PCM1: variants seen among roughly 807,000 people sequenced by gnomAD.
The protein encoded by PCM1 is pericentriolar material 1, also known as pericentriolar material 1 protein.
A neutral mutation model predicts 241.9 loss-of-function variants in PCM1; 157 were observed. The ratio of observed to expected loss-of-function variants is 0.65; its 90% CI spans 0.57 to 0.74. The LOEUF (loss-of-function observed/expected upper bound fraction) is 0.74, where lower values mean the gene tolerates loss of function less well. PCM1 is among the 30% of genes least tolerant of loss of function. The pLI is 0.00. For missense variants in PCM1, 3,478 were observed against 2,360.1 expected (o/e 1.47, Z -9.81); for synonymous variants, 1,085 against 784.9 (o/e 1.38, Z -6.39).
chr8:17,963,265 T>C lies in PCM1; in HGVS notation c.2628T>C (p.Cys876=), dbSNP rs899271220. The C allele has an allele frequency of 1.9e-6, 3 of 1,604,036 alleles. No homozygotes were observed. The highest frequency in any genetic ancestry group is 1.1e-5 in the South Asian group (1 of 88,410). The stretch of plus-strand genomic sequence containing the variant: ...GAAGTGATGGATCTGAGAACCTATG[T>C]ACTCCTCAGCAAAGTAGAACAGAAA... The part of the protein sequence containing the change: ...SLRSDGSENL[C]TPQQSRTEKT... The change falls in exon 17 of 39, where the codon TGT becomes TGC. Residue 876 remains cysteine (C), a synonymous_variant. Coordinates refer to ENST00000325083, the MANE Select transcript of PCM1 (RefSeq NM_006197.4).
At chr8:18,012,349 C>T (rs566801396) in intron 34 of PCM1, among the ~76,000 whole-genome samples, 39 of 152,238 alleles carry the variant, frequency 2.6e-4, no homozygotes, top group Non-Finnish European at 4.7e-4. Flanking sequence ...TAACAGTGTT[C>T]AAACAACCCT....
chr8:17,938,789 A>G lies in PCM1; in HGVS notation c.392A>G (p.Lys131Arg), dbSNP rs369566354. The change falls in exon 5 of 39, where the codon AAA (lysine) becomes AGA (arginine). Residue 131 changes from lysine (K) to arginine (R), a missense_variant. By Grantham distance (26) the Lys-to-Arg change is conservative. Transcript: ENST00000325083. ...GGTAGAGCAACAGCTGCTAACAACA[A>G]ACGTCAGCTTAGTGAAAACCGAAAG... The part of the protein sequence containing the change: ...SQGRATAANN[K>R]RQLSENRKPF... 85 of 1,612,292 alleles carry G rather than the reference A, an allele frequency of 5.3e-5. No homozygotes were observed. Among genetic ancestry groups the G allele is most frequent in the Non-Finnish European group, 6.8e-5 (80 of 1,178,396 alleles).
In PCM1 at chr8:17,960,076, A is replaced by C. The variant is rs1324769058; in HGVS notation, c.2103A>C (p.Pro701=). 1.2e-6 allele frequency: 2 copies of C among 1,611,494 alleles called. No individual in the cohort carries two copies. The highest frequency in any genetic ancestry group is 4.5e-5 in the East Asian group (2 of 44,818). The part of the protein sequence containing the change: ...ASASNLDDFY[P]AEEDTKQNSN... ...CATCAAATTTGGATGATTTCTACCCAGCAGAAGAAGACACCAAGCAAAATT... is the reference window on the plus strand; with the variant it reads ...CATCAAATTTGGATGATTTCTACCCCGCAGAAGAAGACACCAAGCAAAATT... Residue 701 remains proline, a synonymous_variant, in exon 14 of 39, where the codon CCA becomes CCC. Transcript: ENST00000325083.
At chr8:17,996,190 G>C (rs1223064698) in intron 29 of PCM1, among the ~76,000 whole-genome samples, 1 of 152,010 alleles carries the variant, frequency 6.6e-6, no homozygotes, top group Non-Finnish European at 1.5e-5. Context: ...ATGGCTTCTA[G>C]TATGTTGAGG....
intron 6 of PCM1, among the ~76,000 whole-genome samples, chr8:17,944,683 A>G (rs2299590): frequency 2.0e-5 from 3 of 151,890 alleles, no homozygotes; most frequent in African/African-American, 7.3e-5. Flanking sequence ...CTGGTATGTT[A>G]TTACTCCTAC....
At chr8:17,964,963 A>T (rs1033177753) in intron 18 of PCM1, among the ~76,000 whole-genome samples, 195 bp downstream of exon 18, 1 of 152,080 alleles carries the variant, frequency 6.6e-6, no homozygotes, top group African/African-American at 2.4e-5. Flanking sequence ...CTCACCTCAG[A>T]CTTCAATTTC....
intron 19 of PCM1, 38 bp downstream of exon 19, chr8:17,966,256 T>G (rs2074839474): frequency 6.2e-7 from 1 of 1,608,668 alleles, no homozygotes; most frequent in Admixed American, 1.7e-5. Flanking sequence ...TCGTCTATTT[T>G]TATAACTTCT....
chr8:18,023,055 C>T (rs1564455731), intron 36 of PCM1, among the ~76,000 whole-genome samples: 1 of 152,154 alleles, frequency 6.6e-6, no homozygotes, highest in Admixed American at 6.5e-5. Context: ...GCAGATATGA[C>T]AGAGAATAAC....
Position 17,972,571 on chromosome 8 carries a change from C to T in PCM1, c.3827C>T (p.Thr1276Ile), listed in dbSNP as rs2077202066. The change falls in exon 23 of 39, where the codon ACA (threonine) becomes ATA (isoleucine). Residue 1276 changes from threonine (T) to isoleucine (I), a missense_variant. Physicochemically the swap from Thr to Ile is moderately conservative, Grantham distance 89. Transcript: ENST00000325083. ...GTAGATCCAACAACAGTGACTAAAACATTCAAGACAAGAAAAGCGTCTGCA... is the reference window on the plus strand; with the variant it reads ...GTAGATCCAACAACAGTGACTAAAATATTCAAGACAAGAAAAGCGTCTGCA... ...DPVDPTTVTKTFKTRKASAQA... is the reference protein window; with the variant it reads ...DPVDPTTVTKIFKTRKASAQA... 1.9e-6 allele frequency: 3 copies of T among 1,613,694 alleles called. No homozygotes were observed. Among genetic ancestry groups the T allele is most frequent in the Non-Finnish European group, 2.5e-6 (3 of 1,179,708 alleles).
At chr8:17,962,881 T>C (rs2129468460) in intron 16 of PCM1, 1 of 402,970 alleles carries the variant, frequency 2.5e-6, no homozygotes, top group Admixed American at 4.4e-5. Flanking sequence ...CCAGCCCAGA[T>C]GACAGAGTGA....
intron 27 of PCM1, among the ~76,000 whole-genome samples, chr8:17,990,344 C>T (rs2084136836): frequency 6.6e-6 from 1 of 151,902 alleles, no homozygotes; most frequent in South Asian, 2.1e-4. Context: ...ATTCAGGCCT[C>T]ATCTAATCAT....
In PCM1 at chr8:18,017,171, C is replaced by T. The variant is rs957510043; in HGVS notation, c.5841+2331C>T. Among the ~76,000 whole-genome samples the T allele has an allele frequency of 1.1e-4, 16 of 152,202 alleles. No homozygotes were observed. The South Asian group carries it at 3.3e-3, about 32-fold the overall frequency. ...ACTGGAAAACATCTAGAAGCTATCC[C>T]CATGGTCTTTCCACAAAAGATTGAC... On this transcript the variant is annotated intron_variant, in intron 36 of 38. Transcript: ENST00000325083.
At chr8:17,927,447 C>G (rs547614896) in intron 2 of PCM1, 11 of 151,840 alleles carry the variant, frequency 7.2e-5, no homozygotes, top group Admixed American at 4.6e-4. Context: ...TTCTTCTTTA[C>G]CTTATATTCT....
At position 18,025,334 on chromosome 8, in the gene PCM1, G is replaced by GT; in HGVS notation, c.5842-26dup. On this transcript the variant is annotated intron_variant, in intron 36 of 38. Coordinates refer to ENST00000325083, the MANE Select transcript of PCM1 (RefSeq NM_006197.4). Reference sequence around the variant, plus strand: ...GATGACTGGTTTGGATCTAGAGTATGTATTTTTTTTTTTCATTACATTACA... The same window carrying GT: ...GATGACTGGTTTGGATCTAGAGTATGTTATTTTTTTTTTTCATTACATTACA... 3 of 1,149,620 alleles carry GT rather than the reference G, an allele frequency of 2.6e-6. No individual in the cohort carries two copies. In the East Asian group the frequency reaches 7.1e-5, roughly 27 times the overall value. 71.2% of individuals were successfully genotyped at this position (1,149,620 alleles called of 1,614,324 possible).
intron 1 of PCM1, among the ~76,000 whole-genome samples, chr8:17,923,434 C>G (rs1370833258): frequency 1.3e-5 from 2 of 152,168 alleles, no homozygotes; most frequent in African/African-American, 4.8e-5. Flanking sequence ...TTGCAGGACT[C>G]CCTTCTTGCC....
intron 22 of PCM1, among the ~76,000 whole-genome samples, chr8:17,970,505 T>C (rs974899995): frequency 6.6e-6 from 1 of 151,948 alleles, no homozygotes; most frequent in African/African-American, 2.4e-5. Flanking sequence ...AGGAGTGCTA[T>C]GATTAACATC....
At position 18,028,945 on chromosome 8, in the gene PCM1, A is replaced by G. The variant is rs1231181490; in HGVS notation, c.*1283A>G. ...GGCGGGCAGATCACGAGGTCAAGAG[A>G]TTGAGACCATCCTGCCCAACATGGG... On this transcript the variant is annotated 3_prime_UTR_variant, in exon 39 of 39. Transcript: ENST00000325083. 1 of 179,554 alleles carries G rather than the reference A, an allele frequency of 5.6e-6. No homozygotes were observed. The highest frequency in any genetic ancestry group is 2.4e-5 in the African/African-American group (1 of 42,366). 11.1% of individuals were successfully genotyped at this position (179,554 alleles called of 1,614,324 possible).
intron 6 of PCM1, among the ~76,000 whole-genome samples, chr8:17,942,655 G>T (rs2062489153): frequency 6.6e-6 from 1 of 151,802 alleles, no homozygotes; most frequent in East Asian, 1.9e-4. Context: ...TTGCATAATG[G>T]CATTCCAGAT....
At chr8:17,925,917 C>G (rs1052765942) in intron 2 of PCM1, 1 of 151,978 alleles carries the variant, frequency 6.6e-6, no homozygotes, top group African/African-American at 2.4e-5. Flanking sequence ...TTATAGCTCT[C>G]CTATGAGGAC....
Sources: allele counts gnomAD v4.1 joint callset (sites outside exome capture counted in the v4.1 genomes callset), GRCh38; gene constraint gnomAD v4.1.1; transcripts MANE v1.5; gene names NCBI Gene and HGNC (gene_info 2026-07-23, HGNC 2026-07-21).